The following ARID3A variants were observed in gnomAD, a reference collection of about 807,000 sequenced individuals.
ARID3A encodes AT-rich interactive domain-containing protein 3A.
Under a neutral mutation model 52.7 loss-of-function variants are expected in ARID3A, and 11 were observed. The ratio of observed to expected loss-of-function variants is 0.21; its 90% CI spans 0.13 to 0.35. The LOEUF (loss-of-function observed/expected upper bound fraction) is 0.35, where lower values mean the gene tolerates loss of function less well. Among genes scored for constraint, ARID3A ranks in the 10% least tolerant of loss-of-function variants. The probability of loss-of-function intolerance (pLI) is 1.00; values close to 1 mark genes in which losing one functional copy is unlikely to be tolerated. For missense variants in ARID3A, 721 were observed against 838.5 expected (o/e 0.86, Z 1.73); for synonymous variants, 404 against 359.4 (o/e 1.12, Z -1.40).
chr19:929,642 G>A lies in ARID3A; in HGVS notation c.114G>A (p.Arg38=). ...ATCCCCCTGCTGCACCCCCCGGCCG[G>A]GCCCGGGCTGCCCCCGACGAGGACA... The part of the protein sequence containing the change: ...PPDPPAAPPG[R]ARAAPDEDRE... Residue 38 remains arginine, a synonymous_variant, in exon 2 of 9, where the codon CGG becomes CGA. Coordinates refer to ENST00000263620, the MANE Select transcript of ARID3A (RefSeq NM_005224.3). This position sits in a 1 kb window ranked among gnomAD's most constrained non-coding sequence, Gnocchi z 6.2. 6.5e-7 allele frequency: 1 copy of A among 1,532,530 alleles called. No homozygotes were observed. 94.9% of individuals were successfully genotyped at this position (1,532,530 alleles called of 1,614,324 possible). A position where few individuals can be genotyped will look rare whatever the true frequency, so the allele number is the denominator to read the frequency against.
In ARID3A at chr19:972,559, G is replaced by C. The variant is rs2038301833; in HGVS notation, c.*494G>C. ...ATTCACCACACACTCACCACTCCCA[G>C]CTTCTCGTGTCCAGTGAAACCCCTG... On this transcript the variant is annotated 3_prime_UTR_variant, in exon 9 of 9. Coordinates refer to ENST00000263620, the MANE Select transcript of ARID3A (RefSeq NM_005224.3). 9.2e-6 allele frequency: 2 copies of C among 217,986 alleles called. No individual in the cohort carries two copies. The highest frequency in any genetic ancestry group is 3.7e-4 in the South Asian group (2 of 5,388). 13.5% of individuals were successfully genotyped at this position (217,986 alleles called of 1,614,324 possible).
chr19:966,568 C>A lies in ARID3A; in HGVS notation c.1199-4C>A. 2 of 1,533,268 alleles carry A rather than the reference C, an allele frequency of 1.3e-6. No individual in the cohort carries two copies. Among genetic ancestry groups the A allele is most frequent in the Non-Finnish European group, 1.8e-6 (2 of 1,137,524 alleles). The allele number at this position is 1,533,268 out of a possible 1,614,324, so 95.0% of individuals were successfully genotyped here. A position where few individuals can be genotyped will look rare whatever the true frequency, so the allele number is the denominator to read the frequency against. On this transcript the variant is annotated splice_polypyrimidine_tract_variant and splice_region_variant and intron_variant, in intron 6 of 8. Transcript: ENST00000263620. ...GCCACCAATTCCCCTTTTTTCCTAC[C>A]TAGAGGAGGACTCAGCCATCCCCAT...
chr19:932,568 C>G lies in ARID3A; in HGVS notation c.519C>G (p.Phe173Leu). The G allele has an allele frequency of 2.0e-6, 3 of 1,504,584 alleles. No individual in the cohort carries two copies. In the African/African-American group the frequency reaches 4.3e-5, roughly 21 times the overall value. 93.2% of individuals were successfully genotyped at this position (1,504,584 alleles called of 1,614,324 possible). The change falls in exon 3 of 9, where the codon TTC becomes TTG. Residue 173 changes from phenylalanine (F) to leucine (L), a missense_variant. Phe to Leu is a conservative substitution (Grantham distance 22). This residue lies in a region of ARID3A where 349 missense variants were observed against 297.3 expected (regional missense o/e 1.17). Transcript: ENST00000263620. ...CCAGCTTGGGCACCACGGCACTGTT[C>G]CCCCGAAAGGCCCAGCCACCCCAGG... ...GPASLGTTAL[F>L]PRKAQPPQAF...
intron 8 of ARID3A, among the ~76,000 whole-genome samples, chr19:969,782 G>A (rs909041111): frequency 2.0e-5 from 3 of 150,612 alleles, no homozygotes; most frequent in Admixed American, 1.3e-4. Flanking sequence ...GTGCCTCCTG[G>A]GTTCGAGCGA....
In ARID3A at chr19:940,380, C is replaced by T. The variant is rs555649451; in HGVS notation, c.693+7638C>T. 4.6e-5 allele frequency among the ~76,000 whole-genome samples: 7 copies of T among 151,664 alleles called. No homozygotes were observed. In the East Asian group the frequency reaches 1.2e-3, roughly 25 times the overall value. ...GGCCGCATTTACAGCCGTCCTGGGC[C>T]GCGGGTCAGTCAAGCTCTCGGTGTA... On this transcript the variant is annotated intron_variant, in intron 3 of 8. Coordinates refer to ENST00000263620, the MANE Select transcript of ARID3A (RefSeq NM_005224.3).
chr19:938,637 A>G lies in ARID3A; in HGVS notation c.693+5895A>G, dbSNP rs2037483982. The stretch of plus-strand genomic sequence containing the variant: ...AATGAAAGTGGTTAGACCAGGCCAG[A>G]CCTCAGTGCTGTCCTCATATCCAGG... On this transcript the variant is annotated intron_variant, in intron 3 of 8. Coordinates refer to ENST00000263620, the MANE Select transcript of ARID3A (RefSeq NM_005224.3). This position sits in a 1 kb window ranked among gnomAD's most constrained non-coding sequence, Gnocchi z 4.0. Among the ~76,000 whole-genome samples, 1 of 151,500 alleles carries G rather than the reference A, an allele frequency of 6.6e-6. No individual in the cohort carries two copies.
rs201419429 is a variant in ARID3A, at chr19:929,686, G to A, written c.158G>A (p.Arg53Gln). The change falls in exon 2 of 9, where the codon CGG becomes CAG. Residue 53 changes from arginine to glutamine, a missense_variant. Coordinates refer to ENST00000263620, the MANE Select transcript of ARID3A (RefSeq NM_005224.3). This position sits in a 1 kb window ranked among gnomAD's most constrained non-coding sequence, Gnocchi z 6.2. ...PDEDREPESA[R>Q]MQRAQMAALA... ...GAGGACAGAGAGCCCGAGAGTGCCC[G>A]GATGCAGCGGGCTCAGATGGCCGCA... 4.7e-5 allele frequency: 74 copies of A among 1,560,512 alleles called. No individual in the cohort carries two copies. In the East Asian group the frequency reaches 4.9e-4, roughly 10 times the overall value.
intron 3 of ARID3A, among the ~76,000 whole-genome samples, chr19:951,883 C>T (rs2037809224): frequency 6.6e-6 from 1 of 152,128 alleles, no homozygotes. Context: ...TACCCAGAAT[C>T]CCAGCACTTC....
Position 974,154 on chromosome 19 carries a change from G to A in ARID3A, c.*2089G>A, listed in dbSNP as rs1158131413. ...GGAGACCCCTGGGGAGGGGGCTGGG[G>A]GGCTTCTGAGCCCCTGAGTCTAGGT... On this transcript the variant is annotated 3_prime_UTR_variant, in exon 9 of 9. Coordinates refer to ENST00000263620, the MANE Select transcript of ARID3A (RefSeq NM_005224.3). 4.5e-6 allele frequency: 1 copy of A among 223,628 alleles called. No individual in the cohort carries two copies. The highest frequency in any genetic ancestry group is 8.9e-6 in the Non-Finnish European group (1 of 112,174). The allele number at this position is 223,628 out of a possible 1,614,324, so 13.9% of individuals were successfully genotyped here.
intron 3 of ARID3A, among the ~76,000 whole-genome samples, chr19:933,961 A>G (rs934469074): frequency 9.9e-5 from 15 of 152,174 alleles, no homozygotes; most frequent in Admixed American, 8.5e-4. Flanking sequence ...GCCAGTGAGA[A>G]AACAGAGGCT....
At chr19:963,280 C>T (rs535931430) in intron 4 of ARID3A, among the ~76,000 whole-genome samples, 175 of 152,374 alleles carry the variant, frequency 1.1e-3, no homozygotes, top group African/African-American at 4.0e-3. Context: ...CACCTGCCCT[C>T]ACTGGTCTTC....
intron 3 of ARID3A, among the ~76,000 whole-genome samples, chr19:937,597 G>A (rs925615456): frequency 6.6e-6 from 1 of 151,896 alleles, no homozygotes; most frequent in Non-Finnish European, 1.5e-5. Flanking sequence ...CCCATCAGAG[G>A]AACTGCTAGA....
At chr19:951,894 G>A (rs548749320) in intron 3 of ARID3A, among the ~76,000 whole-genome samples, 2 of 152,202 alleles carry the variant, frequency 1.3e-5, no homozygotes, top group Admixed American at 6.5e-5. Flanking sequence ...CCAGCACTTC[G>A]AGAGGCAGAG....
At chr19:927,613 G>A (rs950344615) in intron 1 of ARID3A, among the ~76,000 whole-genome samples, 1 of 148,862 alleles carries the variant, frequency 6.7e-6, no homozygotes, top group Non-Finnish European at 1.5e-5. Flanking sequence ...TTGTCTTGAA[G>A]TTGTCCCAGG....
intron 3 of ARID3A, among the ~76,000 whole-genome samples, chr19:949,896 C>T (rs921594690): frequency 1.1e-4 from 17 of 151,894 alleles, no homozygotes; most frequent in Non-Finnish European, 1.5e-5. Context: ...GGCTGGGACT[C>T]CTGACCTCAG....
At chr19:968,318 C>A (rs8105235) in intron 7 of ARID3A, 87 bp from the exon 8 acceptor site, 1 of 1,126,028 alleles carries the variant, frequency 8.9e-7, no homozygotes, top group Admixed American at 2.2e-5. Context: ...GAGATCGCGC[C>A]ACTGCACTCC....
Position 959,633 on chromosome 19 carries a change from C to T in ARID3A, c.694-459C>T, listed in dbSNP as rs186875621. Among the ~76,000 whole-genome samples the T allele has an allele frequency of 0.01, 1,580 of 152,258 alleles. 12 individuals are homozygous for T. Among genetic ancestry groups the T allele is most frequent in the South Asian group, 0.015 (71 of 4,830 alleles). On this transcript the variant is annotated intron_variant, in intron 3 of 8. Coordinates refer to ENST00000263620, the MANE Select transcript of ARID3A (RefSeq NM_005224.3). This position sits in a 1 kb window ranked among gnomAD's most constrained non-coding sequence, Gnocchi z 5.0. ...GAGAATAGATTTCTGTTGCTTTAAG[C>T]TGCAACGTGTGGCTGTAAGGGAGTT...
intron 6 of ARID3A, 123 bp downstream of exon 6, chr19:965,203 G>A (rs1047063991): frequency 1.2e-5 from 14 of 1,186,624 alleles, no homozygotes; most frequent in Non-Finnish European, 1.6e-5. Flanking sequence ...AGTTGGCATG[G>A]AAAAGGGCTT....
intron 8 of ARID3A, among the ~76,000 whole-genome samples, chr19:969,570 C>T (rs775064554): frequency 3.3e-5 from 5 of 150,646 alleles, no homozygotes; most frequent in Middle Eastern, 3.5e-3. Flanking sequence ...ATAGATATAT[C>T]GATAGATATA....
Sources: gnomAD v4.1 joint callset for allele counts (sites outside exome capture counted in the v4.1 genomes callset) on GRCh38, gnomAD v4.1.1 for gene constraint, gnomAD v4.1.1 regional missense constraint, Gnocchi (gnomAD v3.1) non-coding constraint, MANE v1.5 for transcripts, NCBI Gene and HGNC (gene_info 2026-07-23, HGNC 2026-07-21) for gene names.